The following HMCN1 variants were observed in gnomAD, a reference collection of about 807,000 sequenced individuals.
The protein encoded by HMCN1 is hemicentin-1.
Under a neutral mutation model 625.9 loss-of-function variants are expected in HMCN1, and 321 were observed. The observed-to-expected ratio is 0.51, with a 90% CI of 0.47 to 0.56. The LOEUF (loss-of-function observed/expected upper bound fraction) is 0.56, where lower values mean the gene tolerates loss of function less well. HMCN1 is among the 20% of genes least tolerant of loss of function. The probability of loss-of-function intolerance (pLI) is 0.00; values close to 1 mark genes in which losing one functional copy is unlikely to be tolerated. For synonymous variants in HMCN1, 2,425 were observed against 2,417.6 expected, an observed-to-expected ratio of 1.00 and a Z score of -0.09; for missense variants, 6,588 against 6,887.3, an observed-to-expected ratio of 0.96 and a Z score of 1.54.
In HMCN1 at chr1:185,922,430, G is replaced by C; in HGVS notation, c.952G>C (p.Asp318His). Reference sequence around the variant, plus strand: ...TCGCATTACTGGCCTCAGTACTATTGATTTCCGAGCTGGCTTTTCTCGAAA... The same window carrying C: ...TCGCATTACTGGCCTCAGTACTATTCATTTCCGAGCTGGCTTTTCTCGAAA... ...SVRITGLSTIDFRAGFSRKPT... is the reference protein window; with the variant it reads ...SVRITGLSTIHFRAGFSRKPT... Residue 318 changes from aspartate (D) to histidine (H), a missense_variant, in exon 7 of 107, where the codon GAT (aspartate) becomes CAT (histidine). Coordinates refer to ENST00000271588, the MANE Select transcript of HMCN1 (RefSeq NM_031935.3). The C allele has an allele frequency of 6.2e-7, 1 of 1,613,692 alleles. No individual in the cohort carries two copies. The highest frequency in any genetic ancestry group is 8.5e-7 in the Non-Finnish European group (1 of 1,179,836).
At chr1:186,113,061 T>C (rs1349209267) in intron 72 of HMCN1, 108 bp downstream of exon 72, 4 of 1,351,482 alleles carry the variant, frequency 3.0e-6, no homozygotes, top group Non-Finnish European at 4.1e-6. Context: ...TGTGCTTATC[T>C]TACTGCTTTT....
intron 93 of HMCN1, among the ~76,000 whole-genome samples, chr1:186,148,269 T>A (rs941605270): frequency 9.2e-5 from 14 of 152,206 alleles, no homozygotes; most frequent in Non-Finnish European, 1.5e-5. Flanking sequence ...CTTCTAATTC[T>A]CTTGCTCTTT....
At chr1:186,018,630 G>A (rs1040306195) in intron 34 of HMCN1, among the ~76,000 whole-genome samples, 1 of 152,004 alleles carries the variant, frequency 6.6e-6, no homozygotes, top group South Asian at 2.1e-4. Flanking sequence ...ACGTTAGGAA[G>A]TGTGTTCTAC....
At chr1:185,976,683 C>T (rs1222905935) in intron 15 of HMCN1, among the ~76,000 whole-genome samples, 1 of 152,106 alleles carries the variant, frequency 6.6e-6, no homozygotes, top group East Asian at 1.9e-4. Flanking sequence ...GTTTCAGTTT[C>T]TTCATCTATA....
intron 1 of HMCN1, among the ~76,000 whole-genome samples, chr1:185,839,416 G>A (rs1489143742): frequency 6.6e-6 from 1 of 152,136 alleles, no homozygotes; most frequent in Non-Finnish European, 1.5e-5. Context: ...ACGTTGGAAA[G>A]CTTGTTAATT....
At chr1:186,170,763 A>C (rs1462287695) in intron 100 of HMCN1, among the ~76,000 whole-genome samples, 1 of 152,176 alleles carries the variant, frequency 6.6e-6, no homozygotes, top group Non-Finnish European at 1.5e-5. Flanking sequence ...CACAAACCAC[A>C]GGCAAGTCCC....
In HMCN1 at chr1:186,190,872, CTT is replaced by C. The variant is rs1653688519; in HGVS notation, c.*997_*998del. On this transcript the variant is annotated 3_prime_UTR_variant, in exon 107 of 107. Transcript: ENST00000271588. Reference sequence around the variant, plus strand: ...TTTCTATATAATATCTTGATGGACTCTTTTATAAAATTATTTTATAAAAAACA... The same window carrying C: ...TTTCTATATAATATCTTGATGGACTCTTATAAAATTATTTTATAAAAAACA... 2 of 185,858 alleles carry C rather than the reference CTT, an allele frequency of 1.1e-5. No individual in the cohort carries two copies. Among genetic ancestry groups the C allele is most frequent in the South Asian group, 2.0e-4 (1 of 5,128 alleles). 11.5% of individuals were successfully genotyped at this position (185,858 alleles called of 1,614,324 possible).
At chr1:186,139,979 C>T (rs772445147) in intron 89 of HMCN1, among the ~76,000 whole-genome samples, 1 of 151,986 alleles carries the variant, frequency 6.6e-6, no homozygotes, top group East Asian at 1.9e-4. Context: ...TCATTTCTAA[C>T]AATGTTGAAC....
At chr1:185,827,649 G>A (rs146652659) in intron 1 of HMCN1, among the ~76,000 whole-genome samples, 3 of 152,114 alleles carry the variant, frequency 2.0e-5, no homozygotes, top group African/African-American at 7.2e-5. Flanking sequence ...AATCAAGTAT[G>A]CACATTTTTG....
rs1430983710 is a variant in HMCN1 at position 185,734,959 on chromosome 1, T to G, written c.180T>G (p.Ile60Met). 1 of 1,614,114 alleles carries G rather than the reference T, an allele frequency of 6.2e-7. No individual in the cohort carries two copies. The highest frequency in any genetic ancestry group is 8.5e-7 in the Non-Finnish European group (1 of 1,180,008). ...TGTATGATGATTTAGTTCAGGTGAT[T>G]GAAGGGGCTTCCAAAATTTTGGAGA... ...GSMYDDLVQVIEGASKILETS... is the reference protein window; with the variant it reads ...GSMYDDLVQVMEGASKILETS... The change falls in exon 1 of 107, where the codon ATT becomes ATG. Residue 60 changes from isoleucine to methionine, a missense_variant. Around this residue, in one of 3 missense-constraint regions of HMCN1, gnomAD observed 4,628 missense variants for 4,853.1 expected, o/e 0.95. Transcript: ENST00000271588.
intron 4 of HMCN1, among the ~76,000 whole-genome samples, chr1:185,879,544 C>T (rs1311525338): frequency 6.6e-6 from 1 of 152,126 alleles, no homozygotes; most frequent in East Asian, 1.9e-4. Flanking sequence ...CACTCATTCA[C>T]TCATTTATTT....
At chr1:186,039,389 G>T (rs1017388318) in intron 38 of HMCN1, among the ~76,000 whole-genome samples, 3 of 151,558 alleles carry the variant, frequency 2.0e-5, no homozygotes, top group African/African-American at 4.9e-5. Context: ...CAGTGAAGGG[G>T]GTACACACTT....
chr1:186,039,410 G>GCACA lies in HMCN1; in HGVS notation c.6029-298_6029-295dup, dbSNP rs34723003. Among the ~76,000 whole-genome samples, 335 of 148,108 alleles carry GCACA rather than the reference G, an allele frequency of 2.3e-3. 1 individual carries two copies. The highest frequency in any genetic ancestry group is 7.8e-3 in the African/African-American group (317 of 40,552). On this transcript the variant is annotated intron_variant, in intron 38 of 106. Coordinates refer to ENST00000271588, the MANE Select transcript of HMCN1 (RefSeq NM_031935.3). Reference sequence around the variant, plus strand: ...AGGGGGTACACACTTGTGTTCATGTGCACACACACACACACACACACACGC... The same window carrying GCACA: ...AGGGGGTACACACTTGTGTTCATGTGCACACACACACACACACACACACACACGC...
Position 186,144,794 on chromosome 1 carries a change from G to A in HMCN1, c.14266+91G>A, listed in dbSNP as rs566812628. ...TAAAGTTGCAATATTCCGTTATTTG[G>A]TTCTTCAACCTTTGGTTTAGGATGT... On this transcript the variant is annotated intron_variant, in intron 91 of 106. Transcript: ENST00000271588. 41 of 1,476,432 alleles carry A rather than the reference G, an allele frequency of 2.8e-5. No individual in the cohort carries two copies. The African/African-American group carries it at 4.6e-4, about 16-fold the overall frequency. The allele number at this position is 1,476,432 out of a possible 1,614,324, so 91.5% of individuals were successfully genotyped here.
At chr1:186,040,984 T>A (rs1299591452) in intron 39 of HMCN1, 29 bp from the exon 40 acceptor site, 1 of 1,610,644 alleles carries the variant, frequency 6.2e-7, no homozygotes, top group Admixed American at 1.7e-5. Context: ...AGAGACATAT[T>A]GGTTATTTAG....
At chr1:186,029,109 T>G (rs1655249614) in intron 36 of HMCN1, among the ~76,000 whole-genome samples, 1 of 152,084 alleles carries the variant, frequency 6.6e-6, no homozygotes, top group Admixed American at 6.5e-5. Flanking sequence ...TCTTTATATT[T>G]GCTAAGTCTG....
intron 1 of HMCN1, among the ~76,000 whole-genome samples, chr1:185,808,426 C>T (rs80301807): frequency 2.0e-5 from 3 of 151,886 alleles, no homozygotes; most frequent in South Asian, 4.2e-4. Context: ...GGCTGAGGTG[C>T]GAGTATCACT....
At chr1:186,183,205 G>A (rs746332505) in intron 105 of HMCN1, among the ~76,000 whole-genome samples, 1 of 152,172 alleles carries the variant, frequency 6.6e-6, no homozygotes, top group Non-Finnish European at 1.5e-5. Context: ...TGCTTTATCA[G>A]CAGCAATCAA....
intron 7 of HMCN1, among the ~76,000 whole-genome samples, chr1:185,922,873 T>C (rs959017815): frequency 5.6e-4 from 85 of 152,314 alleles, no homozygotes; most frequent in African/African-American, 1.9e-3. Flanking sequence ...AATCTATAAA[T>C]TACCTATTGT....
Sources: gnomAD v4.1 joint callset for allele counts (sites outside exome capture counted in the v4.1 genomes callset) on GRCh38, gnomAD v4.1.1 for gene constraint, gnomAD v4.1.1 regional missense constraint, MANE v1.5 for transcripts, NCBI Gene and HGNC (gene_info 2026-07-23, HGNC 2026-07-21) for gene names.